ANGPTL1: variants seen among roughly 807,000 people sequenced by gnomAD.
ANGPTL1 encodes the protein angiopoietin like 1.
In ANGPTL1, 36 loss-of-function variants were observed where a neutral mutation model predicts 46.7. The observed-to-expected ratio is 0.77, with a 90% CI of 0.59 to 1.02. ANGPTL1 has a LOEUF of 1.02. ANGPTL1 is among the 50% of genes least tolerant of loss of function. ANGPTL1 has a pLI of 0.00. For missense variants in ANGPTL1, 571 were observed against 594.7 expected, an observed-to-expected ratio of 0.96 and a Z score of 0.41; for synonymous variants, 221 against 204.3, an observed-to-expected ratio of 1.08 and a Z score of -0.69.
At chr1:178,853,419 T>C (rs1657311842) in intron 4 of ANGPTL1, among the ~76,000 whole-genome samples, 175 bp downstream of exon 4, 1 of 152,150 alleles carries the variant, frequency 6.6e-6, no homozygotes, top group African/African-American at 2.4e-5. Flanking sequence ...TGCAATTTAA[T>C]TTTGACTTTA....
intron 3 of ANGPTL1, among the ~76,000 whole-genome samples, chr1:178,861,711 G>T (rs1307383772): frequency 6.6e-6 from 1 of 152,024 alleles, no homozygotes; most frequent in African/African-American, 2.4e-5. Flanking sequence ...TATAACTTAC[G>T]TATACAAACT....
Position 178,865,732 on chromosome 1 carries a change from T to C in ANGPTL1, c.45A>G (p.Leu15=), listed in dbSNP as rs561838589. The change falls in exon 3 of 6, where the codon CTA becomes CTG. Residue 15 remains leucine, a synonymous_variant. Coordinates refer to ENST00000234816, the MANE Select transcript of ANGPTL1 (RefSeq NM_004673.4). ...TWTLGVLFFL[L]VDTGHCRGGQ... is the part of the protein sequence containing the mutation. Reference sequence around the variant, plus strand: ...CACCTCTGCAATGTCCAGTGTCCACTAGTAGGAAGAATAGCACACCTAGGG... The same window carrying C: ...CACCTCTGCAATGTCCAGTGTCCACCAGTAGGAAGAATAGCACACCTAGGG... 4.5e-5 allele frequency: 72 copies of C among 1,613,044 alleles called. No homozygotes were observed. The highest frequency in any genetic ancestry group is 1.7e-4 in the Admixed American group (10 of 59,948).
chr1:178,852,154 A>G (rs1190199206), intron 5 of ANGPTL1, among the ~76,000 whole-genome samples: 2 of 152,104 alleles, frequency 1.3e-5, no homozygotes, highest in African/African-American at 2.4e-5. Context: ...CTTTATTCAA[A>G]TGTTGCTTTC....
chr1:178,866,626 C>A (rs751970213), intron 2 of ANGPTL1, among the ~76,000 whole-genome samples: 1 of 152,048 alleles, frequency 6.6e-6, no homozygotes, highest in Non-Finnish European at 1.5e-5. Flanking sequence ...AGAAACTTGT[C>A]TGTAATTGAA....
At chr1:178,867,714 C>T (rs77286370) in intron 2 of ANGPTL1, among the ~76,000 whole-genome samples, 556 of 151,990 alleles carry the variant, frequency 3.7e-3, no homozygotes, top group African/African-American at 0.011. Context: ...CACGTTCTGC[C>T]AGATCATTTT....
At position 178,852,765 on chromosome 1, in the gene ANGPTL1, G is replaced by T. The variant is rs751357250; in HGVS notation, c.1206C>A (p.Tyr402Ter). The T allele has an allele frequency of 3.7e-6, 6 of 1,613,810 alleles. No individual in the cohort carries two copies. The South Asian group carries it at 6.6e-5, about 18-fold the overall frequency. ...SEFYRLRLGT[Y>*]QGNAGDSMMW... is the part of the protein sequence containing the mutation. ...TCATAGAATCCCCTGCATTTCCCTG[G>T]TAAGTTCCCAGGCGCAGTCTATAGA... Residue 402 changes from tyrosine to a stop codon, truncating the protein, a stop_gained, in exon 5 of 6, where the codon TAC becomes TAA. Transcript: ENST00000234816. LOFTEE classifies it high-confidence loss of function.
intron 2 of ANGPTL1, among the ~76,000 whole-genome samples, chr1:178,867,771 A>G (rs941299233): frequency 4.0e-5 from 6 of 151,632 alleles, no homozygotes; most frequent in African/African-American, 1.4e-4. Context: ...TTCTGTATGT[A>G]TTCTGTCAGC....
chr1:178,852,302 C>T (rs1368572100), intron 5 of ANGPTL1, among the ~76,000 whole-genome samples: 2 of 152,154 alleles, frequency 1.3e-5, no homozygotes, highest in Non-Finnish European at 2.9e-5. Context: ...TGTCTCTCCT[C>T]CAGTGAGTAA....
intron 5 of ANGPTL1, among the ~76,000 whole-genome samples, chr1:178,851,958 A>C (rs1657201738): frequency 6.6e-6 from 1 of 152,142 alleles, no homozygotes. Flanking sequence ...AAGCATATGA[A>C]AACTAAATTT....
chr1:178,867,667 A>T (rs1017895667), intron 2 of ANGPTL1, among the ~76,000 whole-genome samples: 1 of 151,948 alleles, frequency 6.6e-6, no homozygotes, highest in African/African-American at 2.4e-5. Flanking sequence ...TAATTATGCA[A>T]AAGTATTTAT....
At chr1:178,856,380 A>G (rs1026464551) in intron 3 of ANGPTL1, among the ~76,000 whole-genome samples, 1 of 106,836 alleles carries the variant, frequency 9.4e-6, no homozygotes, top group Non-Finnish European at 1.8e-5. Context: ...GGCAAGTGCC[A>G]CCCTGCCTGG....
chr1:178,853,918 T>C, intron 3 of ANGPTL1, 131 bp from the exon 4 acceptor site: 1 of 553,882 alleles, frequency 1.8e-6, no homozygotes, highest in Non-Finnish European at 2.8e-6. Flanking sequence ...TACAATATTA[T>C]AAAATATAAC....
chr1:178,850,866 A>G lies in ANGPTL1; in HGVS notation c.*263T>C, dbSNP rs1657126641. On this transcript the variant is annotated 3_prime_UTR_variant, in exon 6 of 6. Transcript: ENST00000234816. The stretch of plus-strand genomic sequence containing the variant: ...AGATTTGCTTTACATTGTGGCAAAT[A>G]TTTACATTTTAGAAAACAAACTTTG... 1 of 298,556 alleles carries G rather than the reference A, an allele frequency of 3.3e-6. No homozygotes were observed. Among genetic ancestry groups the G allele is most frequent in the Non-Finnish European group, 6.1e-6 (1 of 164,190 alleles). 18.5% of individuals were successfully genotyped at this position (298,556 alleles called of 1,614,324 possible).
intron 3 of ANGPTL1, among the ~76,000 whole-genome samples, chr1:178,856,196 G>GATAGATAGATAGATAGAT (rs1449088390): frequency 1.5e-4 from 6 of 41,042 alleles, no homozygotes; most frequent in African/African-American, 5.2e-4. Flanking sequence ...TTTCCAGAGA[G>GATAGATAGATAGATAGAT]AGAGAGATAT....
intron 3 of ANGPTL1, among the ~76,000 whole-genome samples, chr1:178,857,752 C>T (rs982705880): frequency 1.3e-5 from 2 of 152,068 alleles, no homozygotes; most frequent in African/African-American, 4.8e-5. Context: ...TGACAGTTTA[C>T]ATTTAAGTAT....
intron 1 of ANGPTL1, among the ~76,000 whole-genome samples, chr1:178,870,301 C>A (rs574082535): frequency 6.6e-6 from 1 of 152,268 alleles, no homozygotes; most frequent in South Asian, 2.1e-4. Context: ...AGAAATCCAA[C>A]AGTTTATGTA....
intron 3 of ANGPTL1, among the ~76,000 whole-genome samples, chr1:178,857,361 A>G (rs1657655915): frequency 6.6e-6 from 1 of 152,214 alleles, no homozygotes; most frequent in Admixed American, 6.5e-5. Context: ...TCTTTCAAGA[A>G]ATGTCTTTTC....
At chr1:178,867,522 C>A in intron 2 of ANGPTL1, among the ~76,000 whole-genome samples, 1 of 152,028 alleles carries the variant, frequency 6.6e-6, no homozygotes, top group East Asian at 1.9e-4. Context: ...GGGATTCAAA[C>A]CTTCTACTCC....
In ANGPTL1 at chr1:178,853,702, T is replaced by A. The variant is rs757527685; in HGVS notation, c.909A>T (p.Gly303=). The change falls in exon 4 of 6, where the codon GGA becomes GGT. Residue 303 remains glycine (G), a synonymous_variant. Coordinates refer to ENST00000234816, the MANE Select transcript of ANGPTL1 (RefSeq NM_004673.4). ...TGTTTTCACACCATAACTGCATTGG[T>A]CCATTGCTGTTTTCAGGTTTAATCA... ...IYMIKPENSN[G]PMQLWCENSL... 4.1e-5 allele frequency: 66 copies of A among 1,612,830 alleles called. No homozygotes were observed. The South Asian group carries it at 6.9e-4, about 17-fold the overall frequency.
Sources: gnomAD v4.1 joint callset for allele counts (sites outside exome capture counted in the v4.1 genomes callset) on GRCh38, gnomAD v4.1.1 for gene constraint, MANE v1.5 for transcripts, NCBI Gene and HGNC (gene_info 2026-07-23, HGNC 2026-07-21) for gene names.